The following TACC2 variants were observed in gnomAD, a reference collection of about 807,000 sequenced individuals.
The protein encoded by TACC2 is transforming acidic coiled-coil-containing protein 2.
Under a neutral mutation model 227.3 loss-of-function variants are expected in TACC2, and 137 were observed. The ratio of observed to expected loss-of-function variants is 0.60; its 90% CI spans 0.52 to 0.69. The LOEUF (loss-of-function observed/expected upper bound fraction) is 0.69. Among genes scored for constraint, TACC2 ranks in the 30% least tolerant of loss-of-function variants. The probability of loss-of-function intolerance (pLI) is 0.00; values close to 1 mark genes in which losing one functional copy is unlikely to be tolerated. For synonymous variants in TACC2, 1,523 were observed against 1,487.5 expected (o/e 1.02, Z -0.55); for missense variants, 3,470 against 3,694.4 (o/e 0.94, Z 1.57).
chr10:122,181,013 G>A (rs1431933231), intron 7 of TACC2, among the ~76,000 whole-genome samples: 1 of 151,944 alleles, frequency 6.6e-6, no homozygotes, highest in Non-Finnish European at 1.5e-5. Flanking sequence ...CAAAGTGCTG[G>A]GATTACAGGC....
intron 14 of TACC2, among the ~76,000 whole-genome samples, chr10:122,228,971 C>CAT (rs578069814): frequency 3.2e-4 from 48 of 151,390 alleles, no homozygotes; most frequent in East Asian, 1.2e-3. Flanking sequence ...AACCTTACTT[C>CAT]ATATATATAT....
intron 2 of TACC2, among the ~76,000 whole-genome samples, chr10:122,048,074 C>T (rs1487890023): frequency 1.3e-5 from 2 of 152,186 alleles, no homozygotes; most frequent in Non-Finnish European, 2.9e-5. Context: ...TACAGCCCAT[C>T]CAACAAGTCT....
At position 122,196,867 on chromosome 10, in the gene TACC2, C is replaced by T. The variant is rs55917853; in HGVS notation, c.5971+1691C>T. ...AGGAGAATGGTGTGAACCCAGGAGG[C>T]GGAGTTTGCAGTGAGCGGAGATCAC... On this transcript the variant is annotated intron_variant, in intron 8 of 22. Coordinates refer to ENST00000369005, the MANE Select transcript of TACC2 (RefSeq NM_206862.4). Among the ~76,000 whole-genome samples, 676 of 131,002 alleles carry T rather than the reference C, an allele frequency of 5.2e-3. 2 individuals are homozygous for T. The highest frequency in any genetic ancestry group is 7.4e-3 in the African/African-American group (261 of 35,096). The allele number at this position is 131,002 out of a possible 152,430, so 85.9% of individuals were successfully genotyped here.
At chr10:122,227,794 C>A in intron 13 of TACC2, 43 bp from the exon 14 acceptor site, 1 of 1,574,840 alleles carries the variant, frequency 6.3e-7, no homozygotes, top group South Asian at 1.2e-5. Flanking sequence ...CAGTGGGTTT[C>A]CCAATGAGAA....
chr10:122,165,248 A>T (rs2093086638), intron 7 of TACC2, among the ~76,000 whole-genome samples: 1 of 152,174 alleles, frequency 6.6e-6, no homozygotes, highest in Admixed American at 6.5e-5. Context: ...ATGGAAATAC[A>T]ACTCGAGTCT....
At chr10:121,998,255 T>G (rs1478616938) in intron 1 of TACC2, among the ~76,000 whole-genome samples, 2 of 143,790 alleles carry the variant, frequency 1.4e-5, no homozygotes, top group African/African-American at 5.2e-5. Flanking sequence ...GAGGTTGCAG[T>G]GAGCTGAGAT....
rs1315259638 is a variant in TACC2, at chr10:122,088,496, C to T, written c.5478C>T (p.Gly1826=). The T allele has an allele frequency of 1.2e-5, 20 of 1,613,036 alleles. No individual in the cohort carries two copies. The highest frequency in any genetic ancestry group is 1.7e-5 in the Non-Finnish European group (20 of 1,179,548). ...LHTDRESPRP[G]PSMLPSVPKK... The stretch of plus-strand genomic sequence containing the variant: ...ATCCCAGAGAGAGCCCCAGGCCTGG[C>T]CCATCCATGTTACCTTCGGTTCCTA... The change falls in exon 5 of 23, where the codon GGC becomes GGT. Residue 1826 remains glycine (G), a synonymous_variant. Coordinates refer to ENST00000369005, the MANE Select transcript of TACC2 (RefSeq NM_206862.4).
intron 18 of TACC2, among the ~76,000 whole-genome samples, chr10:122,241,316 G>A (rs2095987727): frequency 6.6e-6 from 1 of 152,136 alleles, no homozygotes; most frequent in African/African-American, 2.4e-5. Context: ...TTTAGAGATG[G>A]AATCTCGCTC....
At chr10:122,174,409 C>T (rs2093615128) in intron 7 of TACC2, among the ~76,000 whole-genome samples, 1 of 152,232 alleles carries the variant, frequency 6.6e-6, no homozygotes, top group African/African-American at 2.4e-5. Flanking sequence ...TGCCCACTCA[C>T]TCCATGGGCT....
At chr10:122,055,798 G>GTGAA (rs2076160853) in intron 3 of TACC2, among the ~76,000 whole-genome samples, 1 of 152,246 alleles carries the variant, frequency 6.6e-6, no homozygotes, top group South Asian at 2.1e-4. Flanking sequence ...GAGCCAGTGG[G>GTGAA]TGAAGATGGG....
At position 122,150,503 on chromosome 10, in the gene TACC2, T is replaced by G. The variant is rs2091924974; in HGVS notation, c.5834+6797T>G. On this transcript the variant is annotated intron_variant, in intron 7 of 22. Transcript: ENST00000369005. This position sits in a 1 kb window ranked among gnomAD's most constrained non-coding sequence, Gnocchi z 4.0. ...GTGCTTGCCCTGCGGGAGGCTGCGTTCCTTCCAAGCCAAATGCGTGCTCTC... is the reference window on the plus strand; with the variant it reads ...GTGCTTGCCCTGCGGGAGGCTGCGTGCCTTCCAAGCCAAATGCGTGCTCTC... 6.6e-6 allele frequency among the ~76,000 whole-genome samples: 1 copy of G among 152,166 alleles called. No homozygotes were observed. The highest frequency in any genetic ancestry group is 6.5e-5 in the Admixed American group (1 of 15,282).
rs963439884 is a variant in TACC2 at position 122,021,887 on chromosome 10, T to C, written c.-45-50T>C. ...GGGAGATGAGCAGACAGAAAAAACC[T>C]CAGATCTTTTTTCATTTCACAGACG... is the stretch of plus-strand genomic sequence containing the variant. On this transcript the variant is annotated intron_variant, in intron 1 of 22. Transcript: ENST00000369005. The C allele has an allele frequency of 6.0e-6, 7 of 1,162,684 alleles. No homozygotes were observed. In the Admixed American group the frequency reaches 1.3e-4, roughly 21 times the overall value. 72.0% of individuals were successfully genotyped at this position (1,162,684 alleles called of 1,614,324 possible). A position where few individuals can be genotyped will look rare whatever the true frequency, so the allele number is the denominator to read the frequency against.
intron 9 of TACC2, chr10:122,213,297 A>C: frequency 1.3e-6 from 2 of 1,593,134 alleles, no homozygotes; most frequent in Non-Finnish European, 1.7e-6. Context: ...CTTTTTTGTC[A>C]GTTCCTTCTG....
At chr10:122,059,352 C>G in intron 3 of TACC2, among the ~76,000 whole-genome samples, 1 of 152,038 alleles carries the variant, frequency 6.6e-6, no homozygotes, top group East Asian at 1.9e-4. Context: ...TGAACACCCC[C>G]CTCCCCCCTT....
At chr10:122,219,072 G>A (rs1316625614) in intron 11 of TACC2, among the ~76,000 whole-genome samples, 1 of 148,384 alleles carries the variant, frequency 6.7e-6, no homozygotes, top group African/African-American at 2.5e-5. Context: ...GACCCCAGAG[G>A]CCCTACGATC....
intron 2 of TACC2, among the ~76,000 whole-genome samples, chr10:122,027,954 A>G (rs1958261469): frequency 6.6e-6 from 1 of 151,798 alleles, no homozygotes; most frequent in Non-Finnish European, 1.5e-5. Flanking sequence ...CGTGTTAGCC[A>G]GGTTGGTCTC....
chr10:122,038,280 TAAAC>T (rs1449223525), intron 2 of TACC2, among the ~76,000 whole-genome samples: 1 of 151,804 alleles, frequency 6.6e-6, no homozygotes, highest in Non-Finnish European at 1.5e-5. Flanking sequence ...AAAAAACAAA[TAAAC>T]AAACACACAA....
At chr10:122,191,565 A>T (rs1297022026) in intron 7 of TACC2, among the ~76,000 whole-genome samples, 1 of 152,196 alleles carries the variant, frequency 6.6e-6, no homozygotes, top group East Asian at 1.9e-4. Flanking sequence ...AAAATTTACG[A>T]ATTTATGTTG....
chr10:122,158,174 G>T (rs2092604392), intron 7 of TACC2, among the ~76,000 whole-genome samples: 1 of 152,142 alleles, frequency 6.6e-6, no homozygotes, highest in East Asian at 1.9e-4. Flanking sequence ...GATCACTTGA[G>T]GCTGGGAGTT....
Sources: allele counts gnomAD v4.1 joint callset (sites outside exome capture counted in the v4.1 genomes callset), GRCh38; gene constraint gnomAD v4.1.1; non-coding constraint Gnocchi (gnomAD v3.1); transcripts MANE v1.5; gene names NCBI Gene and HGNC (gene_info 2026-07-23, HGNC 2026-07-21).